Variants in VPS41 observed in about 807,000 individuals in gnomAD.
VPS41 encodes the protein vacuolar protein sorting-associated protein 41 homolog.
A neutral mutation model predicts 130.9 loss-of-function variants in VPS41; 85 were observed. The observed-to-expected ratio is 0.65, with a 90% confidence interval of 0.55 to 0.78. The LOEUF (loss-of-function observed/expected upper bound fraction) is 0.78, where lower values mean the gene tolerates loss of function less well. Among genes scored for constraint, VPS41 ranks in the 30% least tolerant of loss-of-function variants. VPS41 has a pLI of 0.00. For missense variants in VPS41, 874 were observed against 1,018.7 expected (o/e 0.86, Z 1.93); for synonymous variants, 335 against 332.9 (o/e 1.01, Z -0.07).
At chr7:38,830,695 T>C (rs1241062517) in intron 4 of VPS41, among the ~76,000 whole-genome samples, 2 of 152,144 alleles carry the variant, frequency 1.3e-5, no homozygotes, top group Non-Finnish European at 2.9e-5. Context: ...ACCCACTGAT[T>C]GATGCTATGG....
At chr7:38,756,718 G>A in intron 19 of VPS41, 120 bp downstream of exon 19, 1 of 720,900 alleles carries the variant, frequency 1.4e-6, no homozygotes. Context: ...TCTAAAGATT[G>A]TCGGCATAAA....
chr7:38,845,602 C>CTTGGGGAGTTG (rs1332743276), intron 4 of VPS41, among the ~76,000 whole-genome samples: 2 of 152,188 alleles, frequency 1.3e-5, no homozygotes, highest in African/African-American at 4.8e-5. Flanking sequence ...GTGGTCTCCC[C>CTTGGGGAGTTG]AAGATGTCTT....
intron 4 of VPS41, among the ~76,000 whole-genome samples, chr7:38,861,057 T>C (rs1439226336): frequency 6.6e-6 from 1 of 152,066 alleles, no homozygotes; most frequent in Non-Finnish European, 1.5e-5. Context: ...TTATGGATGA[T>C]ACTATAAATT....
chr7:38,763,157 A>C (rs1783957545), intron 17 of VPS41, among the ~76,000 whole-genome samples: 1 of 152,218 alleles, frequency 6.6e-6, no homozygotes, highest in Non-Finnish European at 1.5e-5. Flanking sequence ...ATGATATCAA[A>C]GATGGAATAG....
At chr7:38,751,987 G>A (rs1356603112) in intron 22 of VPS41, among the ~76,000 whole-genome samples, 189 bp downstream of exon 22, 1 of 152,184 alleles carries the variant, frequency 6.6e-6, no homozygotes, top group African/African-American at 2.4e-5. Context: ...CTTCACCAAA[G>A]TCTAATCCAA....
At chr7:38,842,576 G>T (rs899948363) in intron 4 of VPS41, among the ~76,000 whole-genome samples, 1 of 152,052 alleles carries the variant, frequency 6.6e-6, no homozygotes, top group Non-Finnish European at 1.5e-5. Context: ...TTTTCACTGC[G>T]TGGCTCCACC....
At chr7:38,807,228 A>C (rs1784856563) in intron 7 of VPS41, among the ~76,000 whole-genome samples, 1 of 152,144 alleles carries the variant, frequency 6.6e-6, no homozygotes, top group South Asian at 2.1e-4. Context: ...TAAATCCTAC[A>C]ATTCTTCTAA....
intron 9 of VPS41, among the ~76,000 whole-genome samples, chr7:38,790,872 T>C (rs1347446758): frequency 6.6e-6 from 1 of 152,246 alleles, no homozygotes; most frequent in African/African-American, 2.4e-5. Flanking sequence ...AATAGTGCAA[T>C]CAACATACTT....
At chr7:38,889,107 TA>T (rs34928108) in intron 2 of VPS41, among the ~76,000 whole-genome samples, 129,229 of 147,786 alleles carry the variant, frequency 0.87, 56,418 homozygotes, top group East Asian at 0.99. Context: ...AAGTATAATT[TA>T]AAAAAAAAAA....
chr7:38,758,279 G>T lies in VPS41; in HGVS notation c.1550+75C>A, dbSNP rs1783844191. On this transcript the variant is annotated intron_variant, in intron 18 of 28. Coordinates refer to ENST00000310301, the MANE Select transcript of VPS41 (RefSeq NM_014396.4). The stretch of plus-strand genomic sequence containing the variant: ...ATAAAATACATCTTCTCCACTTGGA[G>T]TTTGCCAAATCTAAAGTATGAAAAA... 9 of 1,394,232 alleles carry T rather than the reference G, an allele frequency of 6.5e-6. No homozygotes were observed. In the South Asian group the frequency reaches 1.1e-4, roughly 18 times the overall value. 86.4% of individuals were successfully genotyped at this position (1,394,232 alleles called of 1,614,324 possible).
chr7:38,765,817 A>C, intron 15 of VPS41, 156 bp from the exon 16 acceptor site: 1 of 537,928 alleles, frequency 1.9e-6, no homozygotes, highest in Non-Finnish European at 3.2e-6. Context: ...AACGAACATA[A>C]AGATATTACT....
chr7:38,887,630 C>T (rs2116402618), intron 2 of VPS41, among the ~76,000 whole-genome samples: 1 of 152,244 alleles, frequency 6.6e-6, no homozygotes, highest in South Asian at 2.1e-4. Context: ...GGAGAACTTC[C>T]CCAACCTAGC....
At chr7:38,849,714 C>A (rs1285038121) in intron 4 of VPS41, among the ~76,000 whole-genome samples, 1 of 152,184 alleles carries the variant, frequency 6.6e-6, no homozygotes, top group African/African-American at 2.4e-5. Flanking sequence ...TCTGGACGTC[C>A]AGCTGCTTGT....
At chr7:38,805,350 T>G (rs1379682008) in intron 7 of VPS41, among the ~76,000 whole-genome samples, 2 of 151,996 alleles carry the variant, frequency 1.3e-5, no homozygotes, top group Admixed American at 6.6e-5. Context: ...CTGGCCAACA[T>G]GGTGAAGCTC....
chr7:38,822,639 C>T (rs1785197211), intron 5 of VPS41, among the ~76,000 whole-genome samples: 2 of 152,160 alleles, frequency 1.3e-5, no homozygotes. Flanking sequence ...TAAGAACATG[C>T]TTTGCAAATC....
At position 38,880,119 on chromosome 7, in the gene VPS41, C is replaced by T. The variant is rs74715756; in HGVS notation, c.61-10866G>A. 8.8e-3 allele frequency among the ~76,000 whole-genome samples: 1,340 copies of T among 152,174 alleles called. 20 individuals carry two copies. Among genetic ancestry groups the T allele is most frequent in the African/African-American group, 0.03 (1,252 of 41,514 alleles). ...GTAAGAATTAAATGCAATAAATGTA[C>T]GTAAAGCACAAAGCTTAGTATCTGG... On this transcript the variant is annotated intron_variant, in intron 2 of 28. Transcript: ENST00000310301.
intron 27 of VPS41, chr7:38,728,322 C>T: frequency 1.4e-6 from 1 of 693,870 alleles, no homozygotes; most frequent in South Asian, 1.6e-5. Context: ...AATAAGCCTG[C>T]CAGGTGACGA....
rs568570079 is a variant in VPS41 at position 38,729,100 on chromosome 7, C to T, written c.2260-309G>A. Among the ~76,000 whole-genome samples, 198 of 152,310 alleles carry T rather than the reference C, an allele frequency of 1.3e-3. 1 individual carries two copies. The highest frequency in any genetic ancestry group is 3.1e-3 in the Admixed American group (48 of 15,294). On this transcript the variant is annotated intron_variant, in intron 25 of 28. Coordinates refer to ENST00000310301, the MANE Select transcript of VPS41 (RefSeq NM_014396.4). ...CAAAGAAGGCCCTATATTAACTAAC[C>T]CTATTGCTACTTTAGAGGGCTTCCT...
At chr7:38,727,067 G>A (rs1795559710) in intron 27 of VPS41, 79 bp from the exon 28 acceptor site, 7 of 1,325,740 alleles carry the variant, frequency 5.3e-6, no homozygotes, top group Non-Finnish European at 6.9e-6. Context: ...ACTGAAAGTC[G>A]AGTTGCAGTT....
Sources: gnomAD v4.1 joint callset for allele counts (sites outside exome capture counted in the v4.1 genomes callset) on GRCh38, gnomAD v4.1.1 for gene constraint, MANE v1.5 for transcripts, NCBI Gene and HGNC (gene_info 2026-07-23, HGNC 2026-07-21) for gene names.